The following IMMT variants were observed in gnomAD, a reference collection of about 807,000 sequenced individuals.
IMMT encodes the protein inner membrane mitochondrial protein, also known as MICOS complex subunit MIC60.
A neutral mutation model predicts 92.7 loss-of-function variants in IMMT; 40 were observed. The ratio of observed to expected loss-of-function variants is 0.43; its 90% CI spans 0.34 to 0.56. The LOEUF (loss-of-function observed/expected upper bound fraction) is 0.56, where lower values mean the gene tolerates loss of function less well. Among genes scored for constraint, IMMT ranks in the 20% least tolerant of loss-of-function variants. The pLI is 0.03. For missense variants in IMMT, 831 were observed against 912.1 expected, an observed-to-expected ratio of 0.91 and a Z score of 1.14; for synonymous variants, 322 against 336.1, an observed-to-expected ratio of 0.96 and a Z score of 0.46.
chr2:86,169,935 T>C (rs866571677), intron 6 of IMMT, among the ~76,000 whole-genome samples: 4 of 152,048 alleles, frequency 2.6e-5, no homozygotes, highest in Non-Finnish European at 4.4e-5. Context: ...TAAAAAGGAA[T>C]ATGCTTGTTA....
At chr2:86,154,877 T>G (rs895869642) in intron 10 of IMMT, among the ~76,000 whole-genome samples, 1 of 152,136 alleles carries the variant, frequency 6.6e-6, no homozygotes, top group Non-Finnish European at 1.5e-5. Flanking sequence ...ACGTCCTTTT[T>G]TTTTTTGAGA....
In IMMT at chr2:86,170,784, G is replaced by A. The variant is rs778669214; in HGVS notation, c.620C>T (p.Ala207Val). 5 of 1,589,040 alleles carry A rather than the reference G, an allele frequency of 3.1e-6. No individual in the cohort carries two copies. The highest frequency in any genetic ancestry group is 4.3e-6 in the Non-Finnish European group (5 of 1,166,182). Residue 207 changes from alanine to valine, a missense_variant, in exon 6 of 15, where the codon GCA (alanine) becomes GTA (valine). Ala to Val is a moderately conservative substitution (Grantham distance 64). Coordinates refer to ENST00000410111, the MANE Select transcript of IMMT (RefSeq NM_006839.3). ...RPPEEVAARL[A>V]QQEKQEQVKI... ...AACTTGTTCTTGTTTTTCCTGTTGT[G>A]CAAGGCGAGCTGCAACTTCTTCAGG... is the stretch of plus-strand genomic sequence containing the variant.
chr2:86,176,872 G>T (rs1216888676), intron 3 of IMMT, among the ~76,000 whole-genome samples: 4 of 152,070 alleles, frequency 2.6e-5, no homozygotes, highest in Non-Finnish European at 5.9e-5. Flanking sequence ...TTTTTTCCTG[G>T]GTCATGCAGC....
Position 86,144,355 on chromosome 2 carries a change from C to A in IMMT, c.2190G>T (p.Met730Ile). ...CCACTATCTGTTTCGTTTCTAGGGT[C>A]ATTCGGGCTTCCTTCAGCCAGTCCT... ...VAQDWLKEAR[M>I]TLETKQIVEI... is the part of the protein sequence containing the mutation. Residue 730 changes from methionine to isoleucine, a missense_variant, in exon 15 of 15, where the codon ATG (methionine) becomes ATT (isoleucine). Transcript: ENST00000410111. The A allele has an allele frequency of 6.2e-7, 1 of 1,614,000 alleles. No homozygotes were observed. Among genetic ancestry groups the A allele is most frequent in the South Asian group, 1.1e-5 (1 of 91,078 alleles).
intron 12 of IMMT, among the ~76,000 whole-genome samples, chr2:86,148,464 T>C (rs1675203816): frequency 6.6e-6 from 1 of 151,646 alleles, no homozygotes; most frequent in African/African-American, 2.4e-5. Context: ...AAAAAAAAAT[T>C]AGCCGGGTGT....
In IMMT at chr2:86,192,013, G is replaced by A. The variant is rs77675865; in HGVS notation, c.45+3325C>T. On this transcript the variant is annotated intron_variant, in intron 1 of 14. Transcript: ENST00000410111. Reference sequence around the variant, plus strand: ...TTGGGGAGGAGAAGGTGGGGATATTGCTTGAGCCCAGAAGTTCAAAATGAG... The same window carrying A: ...TTGGGGAGGAGAAGGTGGGGATATTACTTGAGCCCAGAAGTTCAAAATGAG... 2.2e-4 allele frequency among the ~76,000 whole-genome samples: 33 copies of A among 152,290 alleles called. 1 individual carries two copies. The South Asian group carries it at 6.4e-3, about 30-fold the overall frequency.
At chr2:86,189,607 TG>T (rs1192869256) in intron 1 of IMMT, among the ~76,000 whole-genome samples, 6 of 152,220 alleles carry the variant, frequency 3.9e-5, no homozygotes. Context: ...CTGCCTCATG[TG>T]AACTCTAACT....
intron 1 of IMMT, among the ~76,000 whole-genome samples, chr2:86,185,687 C>T (rs1340721647): frequency 6.6e-6 from 1 of 152,132 alleles, no homozygotes; most frequent in Non-Finnish European, 1.5e-5. Context: ...AACCCACAAA[C>T]TTGTTGAGAA....
chr2:86,159,401 A>T, intron 9 of IMMT, 135 bp downstream of exon 9: 1 of 843,614 alleles, frequency 1.2e-6, no homozygotes, highest in Non-Finnish European at 1.9e-6. Flanking sequence ...AATTTTTTAA[A>T]ACAGTAACAA....
chr2:86,158,971 C>A (rs768725782), intron 9 of IMMT, among the ~76,000 whole-genome samples: 1 of 151,938 alleles, frequency 6.6e-6, no homozygotes, highest in African/African-American at 2.4e-5. Context: ...GGCAGAAGAT[C>A]TGCTACAAAA....
Position 86,195,415 on chromosome 2 carries a change from C to T in IMMT, c.-33G>A, listed in dbSNP as rs750141524. 3.2e-6 allele frequency: 5 copies of T among 1,543,140 alleles called. No individual in the cohort carries two copies. Among genetic ancestry groups the T allele is most frequent in the Admixed American group, 2.0e-5 (1 of 50,058 alleles). ...AAGCGGACGGCGCTGCTGGTGGACT[C>T]GAGCTGCCGCGGCGGCGCGAGTTAA... On this transcript the variant is annotated 5_prime_UTR_variant, in exon 1 of 15. Coordinates refer to ENST00000410111, the MANE Select transcript of IMMT (RefSeq NM_006839.3).
At position 86,195,452 on chromosome 2, in the gene IMMT, C is replaced by G; in HGVS notation, c.-70G>C. 6.7e-7 allele frequency: 1 copy of G among 1,500,980 alleles called. No individual in the cohort carries two copies. The highest frequency in any genetic ancestry group is 1.3e-5 in the South Asian group (1 of 79,652). 93.0% of individuals were successfully genotyped at this position (1,500,980 alleles called of 1,614,324 possible). On this transcript the variant is annotated 5_prime_UTR_variant, in exon 1 of 15. Transcript: ENST00000410111. ...GCGGCGCGAGTTAAGTGGAGGCGTG[C>G]TTGCGTGTGTGCGTGCCCGCGTCCG...
chr2:86,192,519 G>C (rs73946343), intron 1 of IMMT, among the ~76,000 whole-genome samples: 1,840 of 152,204 alleles, frequency 0.012, 45 homozygotes, highest in African/African-American at 0.042. Flanking sequence ...AACATTCACT[G>C]AGCATCTACT....
chr2:86,157,902 C>T (rs867510223), intron 10 of IMMT, among the ~76,000 whole-genome samples: 18 of 151,768 alleles, frequency 1.2e-4, no homozygotes, highest in Non-Finnish European at 1.9e-4. Flanking sequence ...CGCTTCAACC[C>T]GGGAGGTGGA....
intron 1 of IMMT, among the ~76,000 whole-genome samples, chr2:86,185,199 A>G (rs927711712): frequency 2.6e-5 from 4 of 152,076 alleles, no homozygotes; most frequent in Admixed American, 2.6e-4. Flanking sequence ...AGTTCCAAGT[A>G]TAGTGTTCAT....
At chr2:86,191,344 C>CAAA (rs35278001) in intron 1 of IMMT, among the ~76,000 whole-genome samples, 34 of 121,806 alleles carry the variant, frequency 2.8e-4, no homozygotes, top group African/African-American at 9.8e-4. Context: ...GACCCTATCT[C>CAAA]AAAAAAAAAA....
At chr2:86,190,754 C>A (rs950230469) in intron 1 of IMMT, among the ~76,000 whole-genome samples, 3 of 152,140 alleles carry the variant, frequency 2.0e-5, no homozygotes, top group Admixed American at 6.5e-5. Context: ...CTTTGGGAGC[C>A]CAAGGCGGGC....
chr2:86,146,888 G>A (rs1246907961), intron 13 of IMMT, among the ~76,000 whole-genome samples: 1 of 152,148 alleles, frequency 6.6e-6, no homozygotes, highest in African/African-American at 2.4e-5. Context: ...AGCCTCCGGA[G>A]TGGCTGGGAT....
intron 1 of IMMT, among the ~76,000 whole-genome samples, chr2:86,190,083 G>A (rs1353305248): frequency 1.3e-5 from 2 of 152,098 alleles, no homozygotes; most frequent in Non-Finnish European, 2.9e-5. Flanking sequence ...AGTAAGTTAC[G>A]GCGTAAGATG....
Sources: allele counts gnomAD v4.1 joint callset (sites outside exome capture counted in the v4.1 genomes callset), GRCh38; gene constraint gnomAD v4.1.1; transcripts MANE v1.5; gene names NCBI Gene and HGNC (gene_info 2026-07-23, HGNC 2026-07-21).